The following CTIF variants were observed in gnomAD, a reference collection of about 807,000 sequenced individuals.
The protein encoded by CTIF is cap binding complex dependent translation initiation factor, also known as CBP80/20-dependent translation initiation factor.
A neutral mutation model predicts 66.0 loss-of-function variants in CTIF; 21 were observed. That is an observed-to-expected ratio of 0.32 (90% CI 0.23 to 0.46). CTIF has a LOEUF of 0.46. Among genes scored for constraint, CTIF ranks in the 20% least tolerant of loss-of-function variants. The pLI, the probability that CTIF is intolerant of heterozygous loss-of-function variation, is 1.00. For synonymous variants in CTIF, 345 were observed against 326.4 expected (o/e 1.06, Z -0.62); for missense variants, 739 against 812.7 (o/e 0.91, Z 1.10).
intron 1 of CTIF, among the ~76,000 whole-genome samples, chr18:48,580,106 G>T (rs901094939): frequency 2.0e-5 from 3 of 152,144 alleles, no homozygotes; most frequent in African/African-American, 7.2e-5. Flanking sequence ...CCTGTCTGCC[G>T]GCTGGGTCAG....
chr18:48,579,347 T>A (rs1754160356), intron 1 of CTIF, among the ~76,000 whole-genome samples: 1 of 152,146 alleles, frequency 6.6e-6, no homozygotes, highest in African/African-American at 2.4e-5. Flanking sequence ...GGTTTCTCCA[T>A]GTTGGCCAGG....
At chr18:48,568,718 G>A (rs1298706597) in intron 1 of CTIF, among the ~76,000 whole-genome samples, 3 of 146,706 alleles carry the variant, frequency 2.0e-5, no homozygotes, top group Non-Finnish European at 3.0e-5. Context: ...CCTCACAATC[G>A]TGGCAGAAGG....
intron 9 of CTIF, among the ~76,000 whole-genome samples, chr18:48,767,508 A>G (rs1909686787): frequency 1.3e-5 from 2 of 152,178 alleles, no homozygotes; most frequent in South Asian, 4.1e-4. Context: ...AGCTATGCAG[A>G]GCAAAGTATT....
intron 9 of CTIF, among the ~76,000 whole-genome samples, chr18:48,798,566 G>A (rs540469222): frequency 1.3e-5 from 2 of 152,328 alleles, no homozygotes; most frequent in South Asian, 2.1e-4. Flanking sequence ...GTAACTGTGT[G>A]GCATACCGGT....
At position 48,862,050 on chromosome 18, in the gene CTIF, C is replaced by CTA. The variant is rs915436721; in HGVS notation, c.*2493_*2494dup. ...CAGATATGGAAGGAAAACGTTAAGA[C>CTA]TATTTTTTTTTTAAAGAAACAACAG... On this transcript the variant is annotated 3_prime_UTR_variant, in exon 12 of 12. Transcript: ENST00000256413. 2.6e-5 allele frequency: 4 copies of CTA among 151,056 alleles called. No homozygotes were observed. The highest frequency in any genetic ancestry group is 9.8e-5 in the African/African-American group (4 of 40,620). The allele number at this position is 151,056 out of a possible 1,614,324, so 9.4% of individuals were successfully genotyped here.
chr18:48,827,159 C>A (rs1478364153), intron 10 of CTIF, among the ~76,000 whole-genome samples: 2 of 152,116 alleles, frequency 1.3e-5, no homozygotes, highest in Non-Finnish European at 2.9e-5. Context: ...ACTCCAAGAA[C>A]CTTGGAAAGG....
chr18:48,842,319 G>A (rs990978416), intron 10 of CTIF, among the ~76,000 whole-genome samples: 1 of 152,164 alleles, frequency 6.6e-6, no homozygotes. Context: ...GCTCAGCCCC[G>A]CTCTTGGCTG....
chr18:48,626,210 C>A (rs2090595209), intron 2 of CTIF, among the ~76,000 whole-genome samples: 1 of 151,966 alleles, frequency 6.6e-6, no homozygotes, highest in Non-Finnish European at 1.5e-5. Flanking sequence ...CCATATTGAT[C>A]AGGTTGGTCT....
At chr18:48,549,516 T>A (rs2145520014) in intron 1 of CTIF, among the ~76,000 whole-genome samples, 1 of 152,286 alleles carries the variant, frequency 6.6e-6, no homozygotes, top group South Asian at 2.1e-4. Context: ...AAGGACTCTG[T>A]CTAACCTAGG....
chr18:48,604,168 G>GTTTTTTTTTT (rs34544217), intron 1 of CTIF, among the ~76,000 whole-genome samples: 1 of 63,264 alleles, frequency 1.6e-5, no homozygotes, highest in African/African-American at 7.4e-5. Flanking sequence ...TTTTTTAAGG[G>GTTTTTTTTTT]TTTTTTTTTT....
At chr18:48,703,086 AT>A (rs1256822076) in intron 6 of CTIF, among the ~76,000 whole-genome samples, 1 of 152,096 alleles carries the variant, frequency 6.6e-6, no homozygotes, top group Non-Finnish European at 1.5e-5. Flanking sequence ...GCTAGAGATG[AT>A]GGGAGTCTGC....
chr18:48,569,089 A>C (rs1183339158), intron 1 of CTIF, among the ~76,000 whole-genome samples: 1 of 152,162 alleles, frequency 6.6e-6, no homozygotes, highest in Non-Finnish European at 1.5e-5. Flanking sequence ...TCATAAGGAC[A>C]CCATTCAAAC....
chr18:48,617,787 C>T (rs1246686616), intron 1 of CTIF, among the ~76,000 whole-genome samples: 1 of 152,212 alleles, frequency 6.6e-6, no homozygotes. Context: ...AAGGGCACCG[C>T]CTTGGCCTGA....
chr18:48,713,599 A>G (rs1388287896), intron 7 of CTIF, among the ~76,000 whole-genome samples: 1 of 152,134 alleles, frequency 6.6e-6, no homozygotes, highest in Non-Finnish European at 1.5e-5. Flanking sequence ...CAGGGTCCAA[A>G]GTGAGGCAAT....
In CTIF at chr18:48,619,694, C is replaced by T. The variant is rs1309352578; in HGVS notation, c.129C>T (p.Asp43=). The change falls in exon 2 of 12, where the codon GAC becomes GAT. Residue 43 remains aspartate, a synonymous_variant. Coordinates refer to ENST00000256413, the MANE Select transcript of CTIF (RefSeq NM_014772.3). The part of the protein sequence containing the change: ...LEYQVQGLLA[D]KTEGDGESER... The stretch of plus-strand genomic sequence containing the variant: ...ACCAGGTGCAGGGGCTGCTGGCTGA[C>T]AAGACGGAGGGTGATGGCGAGAGCG... 1.2e-6 allele frequency: 2 copies of T among 1,608,358 alleles called. No homozygotes were observed. Among genetic ancestry groups the T allele is most frequent in the East Asian group, 2.2e-5 (1 of 44,690 alleles).
chr18:48,628,847 G>A (rs572375946), intron 2 of CTIF, among the ~76,000 whole-genome samples: 52 of 152,296 alleles, frequency 3.4e-4, no homozygotes, highest in Middle Eastern at 6.8e-3. Context: ...GCAGCATCCT[G>A]TCCCTCTTAG....
intron 7 of CTIF, among the ~76,000 whole-genome samples, chr18:48,718,382 G>A (rs568810099): frequency 6.6e-6 from 1 of 152,292 alleles, no homozygotes; most frequent in East Asian, 1.9e-4. Flanking sequence ...ATGAGATTAT[G>A]GAGGCCAAGA....
chr18:48,829,288 C>T (rs1271180156), intron 10 of CTIF, among the ~76,000 whole-genome samples: 1 of 152,142 alleles, frequency 6.6e-6, no homozygotes, highest in Non-Finnish European at 1.5e-5. Context: ...CGTCCCTTAG[C>T]AGTTTCCCAG....
intron 9 of CTIF, among the ~76,000 whole-genome samples, chr18:48,792,886 C>T (rs1184881448): frequency 3.9e-5 from 6 of 152,070 alleles, no homozygotes; most frequent in Non-Finnish European, 7.4e-5. Context: ...AGTTGGAGCC[C>T]GGCATTCAGA....
Sources: gnomAD v4.1 joint callset for allele counts (sites outside exome capture counted in the v4.1 genomes callset) on GRCh38, gnomAD v4.1.1 for gene constraint, MANE v1.5 for transcripts, NCBI Gene and HGNC (gene_info 2026-07-23, HGNC 2026-07-21) for gene names.